Variants in SHISA5 observed in about 807,000 individuals in gnomAD.
SHISA5 encodes protein shisa-5.
Under a neutral mutation model 27.5 loss-of-function variants are expected in SHISA5, and 21 were observed. That is an observed-to-expected ratio of 0.76 (90% CI 0.54 to 1.10). The LOEUF is 1.10. SHISA5 is among the 50% of genes least tolerant of loss of function. The pLI is 0.00. For synonymous variants in SHISA5, 137 were observed against 142.2 expected (o/e 0.96, Z 0.26); for missense variants, 314 against 336.3 (o/e 0.93, Z 0.52).
chr3:48,497,524 G>C (rs1378154242), intron 2 of SHISA5, among the ~76,000 whole-genome samples: 1 of 151,456 alleles, frequency 6.6e-6, no homozygotes, highest in Non-Finnish European at 1.5e-5. Flanking sequence ...GCCTCCCAAA[G>C]TGCTGGGATT....
Position 48,469,681 on chromosome 3 carries a change from C to G in SHISA5, c.430+47G>C. ...GCCAAAGCAGGGCCTGGTCAGCTTCCCTTACCACCCCAGGGGGTCACAGTG... is the reference window on the plus strand; with the variant it reads ...GCCAAAGCAGGGCCTGGTCAGCTTCGCTTACCACCCCAGGGGGTCACAGTG... On this transcript the variant is annotated intron_variant, in intron 4 of 5. Transcript: ENST00000296444. This position sits in a 1 kb window ranked among gnomAD's most constrained non-coding sequence, Gnocchi z 4.6. The G allele has an allele frequency of 6.2e-7, 1 of 1,610,560 alleles. No individual in the cohort carries two copies. The highest frequency in any genetic ancestry group is 8.5e-7 in the Non-Finnish European group (1 of 1,178,216).
Position 48,468,910 on chromosome 3 carries a change from C to G in SHISA5, c.*197G>C. 1 of 1,540,694 alleles carries G rather than the reference C, an allele frequency of 6.5e-7. No homozygotes were observed. Among genetic ancestry groups the G allele is most frequent in the Non-Finnish European group, 8.7e-7 (1 of 1,149,386 alleles). ...GAACAAAGTCTGGTCCCAGCCCACT[C>G]TGGCAAGGATTGTTCCCCACCTTGT... On this transcript the variant is annotated 3_prime_UTR_variant, in exon 6 of 6. Transcript: ENST00000296444.
intron 2 of SHISA5, among the ~76,000 whole-genome samples, chr3:48,495,522 A>C (rs1475268209): frequency 6.9e-6 from 1 of 144,722 alleles, no homozygotes; most frequent in Non-Finnish European, 1.5e-5. Flanking sequence ...TTTTTTTTCC[A>C]CTTTTTTCGG....
intron 2 of SHISA5, chr3:48,479,592 A>G: frequency 6.7e-6 from 2 of 299,552 alleles, no homozygotes; most frequent in South Asian, 2.1e-4. Flanking sequence ...AAAGTTTATT[A>G]TAATTTTTTT....
At chr3:48,504,319 C>T, upstream of SHISA5, 1 of 356,094 alleles carries the variant, frequency 2.8e-6, no homozygotes. This position sits in a 1 kb window ranked among gnomAD's most constrained non-coding sequence, Gnocchi z 4.0. Context: ...GACGACTTCC[C>T]AGCCTCGGGG....
At position 48,496,971 on chromosome 3, in the gene SHISA5, T is replaced by C. The variant is rs552316579; in HGVS notation, c.233+4166A>G. 3.9e-5 allele frequency among the ~76,000 whole-genome samples: 6 copies of C among 152,174 alleles called. No individual in the cohort carries two copies. The South Asian group carries it at 1.2e-3, about 32-fold the overall frequency. ...ATGGCCAGGTGTGGTGGCTCACACC[T>C]GTGATCCCAGCACTTTGGGAGGCTG... On this transcript the variant is annotated intron_variant, in intron 2 of 5. Coordinates refer to ENST00000296444, the MANE Select transcript of SHISA5 (RefSeq NM_016479.6).
At chr3:48,499,636 C>T (rs2041691787) in intron 2 of SHISA5, among the ~76,000 whole-genome samples, 1 of 145,208 alleles carries the variant, frequency 6.9e-6, no homozygotes, top group Admixed American at 7.0e-5. Context: ...GCCAAGATCG[C>T]ACCACCACAT....
chr3:48,482,145 A>T (rs148588283), intron 2 of SHISA5, among the ~76,000 whole-genome samples: 1 of 151,886 alleles, frequency 6.6e-6, no homozygotes, highest in Non-Finnish European at 1.5e-5. Context: ...CAAGGAAGAA[A>T]TTAATAAAGG....
Position 48,504,041 on chromosome 3 carries a change from C to G in SHISA5, c.54G>C (p.Leu18=), listed in dbSNP as rs1338105715. ...PRILLPLLLL[L]LLTPPPGARG... ...CACCACCCGGAGGCGGCGTTAGCAG[C>G]AGCAGCAACAGCAACGGCAACAGGA... Residue 18 remains leucine, a synonymous_variant, in exon 1 of 6, where the codon CTG becomes CTC. Transcript: ENST00000296444. This position sits in a 1 kb window ranked among gnomAD's most constrained non-coding sequence, Gnocchi z 4.0. The G allele has an allele frequency of 6.8e-7, 1 of 1,462,750 alleles. No individual in the cohort carries two copies. Among genetic ancestry groups the G allele is most frequent in the Non-Finnish European group, 9.1e-7 (1 of 1,103,542 alleles). The allele number at this position is 1,462,750 out of a possible 1,614,324, so 90.6% of individuals were successfully genotyped here. A position where few individuals can be genotyped will look rare whatever the true frequency, so the allele number is the denominator to read the frequency against.
intron 2 of SHISA5, among the ~76,000 whole-genome samples, chr3:48,491,263 C>T (rs1344409712): frequency 6.6e-6 from 1 of 151,968 alleles, no homozygotes; most frequent in African/African-American, 2.4e-5. Flanking sequence ...GGGCTACAAG[C>T]GCCCGTCACC....
chr3:48,484,802 A>C (rs998634179), intron 2 of SHISA5, among the ~76,000 whole-genome samples: 1 of 152,164 alleles, frequency 6.6e-6, no homozygotes, highest in Non-Finnish European at 1.5e-5. Flanking sequence ...CTGAGGCAGG[A>C]GAATCGCTTG....
intron 2 of SHISA5, 116 bp from the exon 3 acceptor site, chr3:48,479,373 A>G: frequency 1.1e-6 from 1 of 933,262 alleles, no homozygotes. Context: ...GGTGGCTTCA[A>G]TGGCCTTCCA....
At chr3:48,487,415 T>C (rs1178454587) in intron 2 of SHISA5, among the ~76,000 whole-genome samples, 1 of 152,184 alleles carries the variant, frequency 6.6e-6, no homozygotes, top group Non-Finnish European at 1.5e-5. Flanking sequence ...TGTTTATATG[T>C]TTTATAAATA....
intron 2 of SHISA5, among the ~76,000 whole-genome samples, chr3:48,491,738 C>G (rs1266320409): frequency 1.3e-5 from 2 of 151,976 alleles, no homozygotes; most frequent in Admixed American, 6.6e-5. Context: ...CCTCTGCCCC[C>G]ACCAAGCTCA....
In SHISA5 at chr3:48,468,427, G is replaced by A. The variant is rs2040438812; in HGVS notation, c.*680C>T. On this transcript the variant is annotated 3_prime_UTR_variant, in exon 6 of 6. Coordinates refer to ENST00000296444, the MANE Select transcript of SHISA5 (RefSeq NM_016479.6). Reference sequence around the variant, plus strand: ...TGGTCCCAGGGGAGATGCGGGGACAGGGGACAGTCCAGGCAGACAGGTACA... The same window carrying A: ...TGGTCCCAGGGGAGATGCGGGGACAAGGGACAGTCCAGGCAGACAGGTACA... The A allele has an allele frequency of 5.3e-6, 6 of 1,124,206 alleles. No individual in the cohort carries two copies. In the South Asian group the frequency reaches 1.3e-4, roughly 24 times the overall value. 69.6% of individuals were successfully genotyped at this position (1,124,206 alleles called of 1,614,324 possible). A position where few individuals can be genotyped will look rare whatever the true frequency, so the allele number is the denominator to read the frequency against.
chr3:48,478,878 G>A (rs2040909460), intron 3 of SHISA5, among the ~76,000 whole-genome samples: 1 of 151,198 alleles, frequency 6.6e-6, no homozygotes, highest in African/African-American at 2.4e-5. Flanking sequence ...TGCCCCCATC[G>A]GGACCCATCA....
intron 2 of SHISA5, among the ~76,000 whole-genome samples, chr3:48,495,377 C>CTGGAGTGA (rs2041513331): frequency 7.7e-6 from 1 of 130,344 alleles, no homozygotes; most frequent in Non-Finnish European, 1.5e-5. Flanking sequence ...GTCACCCAGG[C>CTGGAGTGA]TGGAGTGAAG....
chr3:48,483,413 A>T (rs2041088139), intron 2 of SHISA5, among the ~76,000 whole-genome samples: 1 of 152,178 alleles, frequency 6.6e-6, no homozygotes, highest in Non-Finnish European at 1.5e-5. Flanking sequence ...GGGTAAGGTC[A>T]TAGATCAACA....
chr3:48,486,386 T>TATTATACAATATATAA, intron 2 of SHISA5, among the ~76,000 whole-genome samples: 1 of 95,998 alleles, frequency 1.0e-5, no homozygotes, highest in African/African-American at 4.5e-5. Flanking sequence ...ATATAATATG[T>TATTATACAATATATAA]TATATAATGT....
Sources: allele counts gnomAD v4.1 joint callset (sites outside exome capture counted in the v4.1 genomes callset), GRCh38; gene constraint gnomAD v4.1.1; non-coding constraint Gnocchi (gnomAD v3.1); transcripts MANE v1.5; gene names NCBI Gene and HGNC (gene_info 2026-07-23, HGNC 2026-07-21).